Variants in PLCG1 observed in about 807,000 individuals in gnomAD.
The protein encoded by PLCG1 is 1-phosphatidylinositol 4,5-bisphosphate phosphodiesterase gamma-1.
Under a neutral mutation model 177.8 loss-of-function variants are expected in PLCG1, and 71 were observed. The ratio of observed to expected loss-of-function variants is 0.40; its 90% CI spans 0.33 to 0.49. The LOEUF is 0.49. Ranked by LOEUF, PLCG1 falls within the 20% of genes least tolerant of loss-of-function variation. The pLI, the probability that PLCG1 is intolerant of heterozygous loss-of-function variation, is 0.72. For missense variants in PLCG1, 1,281 were observed against 1,709.0 expected (o/e 0.75, Z 4.42); for synonymous variants, 658 against 647.9 (o/e 1.02, Z -0.24).
rs1366816239 is a variant in PLCG1, at chr20:41,165,969, C to A, written c.1799+143C>A. The A allele has an allele frequency of 1.9e-5, 13 of 699,622 alleles. No individual in the cohort carries two copies. Among genetic ancestry groups the A allele is most frequent in the South Asian group, 3.8e-5 (2 of 52,968 alleles). The allele number at this position is 699,622 out of a possible 1,614,324, so 43.3% of individuals were successfully genotyped here. A position where few individuals can be genotyped will look rare whatever the true frequency, so the allele number is the denominator to read the frequency against. On this transcript the variant is annotated intron_variant, in intron 16 of 31. Transcript: ENST00000685551. This position sits in a 1 kb window ranked among gnomAD's most constrained non-coding sequence, Gnocchi z 6.6. ...CATGGAACATAATTTCACCTACATA[C>A]ACACACACACTCTCTGTCTCACCCC...
chr20:41,162,543 G>A lies in PLCG1; in HGVS notation c.597+7G>A, dbSNP rs751824470. ...CCTCCGAGAGCGGCTGACGGTAAGT[G>A]CCACCCAGGGCTGTCTGTAGATGGG... On this transcript the variant is annotated splice_region_variant and intron_variant, in intron 5 of 31. Transcript: ENST00000685551. 6.2e-7 allele frequency: 1 copy of A among 1,613,466 alleles called. No individual in the cohort carries two copies. The highest frequency in any genetic ancestry group is 8.5e-7 in the Non-Finnish European group (1 of 1,179,562).
In PLCG1 at chr20:41,175,181, T is replaced by A. The variant is rs2036024286; in HGVS notation, c.*672T>A. 6.6e-6 allele frequency: 1 copy of A among 152,588 alleles called. No homozygotes were observed. Among genetic ancestry groups the A allele is most frequent in the Non-Finnish European group, 1.5e-5 (1 of 68,088 alleles). 9.5% of individuals were successfully genotyped at this position (152,588 alleles called of 1,614,324 possible). A position where few individuals can be genotyped will look rare whatever the true frequency, so the allele number is the denominator to read the frequency against. On this transcript the variant is annotated 3_prime_UTR_variant, in exon 32 of 32. Transcript: ENST00000685551. ...CGTCTCAATGGTATTGTAACTAAGT[T>A]ATTTACTCCTCCTGCTCCTCACCCC...
rs773166604 is a variant in PLCG1 at position 41,172,564 on chromosome 20, C to T, written c.3049C>T (p.Arg1017Ter). 2.5e-6 allele frequency: 4 copies of T among 1,614,202 alleles called. No individual in the cohort carries two copies. Among genetic ancestry groups the T allele is most frequent in the East Asian group, 2.2e-5 (1 of 44,886 alleles). The change falls in exon 26 of 32, where the codon CGA becomes TGA. Residue 1017 changes from arginine (R) to a stop codon, truncating the protein, a stop_gained. Transcript: ENST00000685551. LOFTEE classifies it high-confidence loss of function. This position sits in a 1 kb window ranked among gnomAD's most constrained non-coding sequence, Gnocchi z 7.0. ...QLSRIYPKGQ[R>*]LDSSNYDPLP... ...CTCCCGCATCTACCCCAAGGGCCAG[C>T]GACTGGATTCCTCCAACTACGATCC...
intron 1 of PLCG1, among the ~76,000 whole-genome samples, chr20:41,149,865 A>G (rs1317780451): frequency 6.6e-6 from 1 of 152,176 alleles, no homozygotes; most frequent in Admixed American, 6.5e-5. Flanking sequence ...AACCATGTTG[A>G]TTGCTCTGAG....
chr20:41,174,316 GGAA>G lies in PLCG1; in HGVS notation c.3833+8_3833+10del. 6.2e-7 allele frequency: 1 copy of G among 1,612,318 alleles called. No individual in the cohort carries two copies. Among genetic ancestry groups the G allele is most frequent in the Non-Finnish European group, 8.5e-7 (1 of 1,178,388 alleles). ...TTTTGACAGTCGAGAACGAAGGTGA[GGAA>G]GATGGAGGGGTGCTAGAGCCAGGAA... On this transcript the variant is annotated splice_donor_region_variant and intron_variant, in intron 31 of 31. Coordinates refer to ENST00000685551, the MANE Select transcript of PLCG1 (RefSeq NM_002660.3). This position sits in a 1 kb window ranked among gnomAD's most constrained non-coding sequence, Gnocchi z 5.8.
Position 41,166,643 on chromosome 20 carries a change from G to T in PLCG1, c.2121-36G>T, listed in dbSNP as rs1460930464. 6.2e-7 allele frequency: 1 copy of T among 1,614,090 alleles called. No individual in the cohort carries two copies. The highest frequency in any genetic ancestry group is 1.7e-5 in the Admixed American group (1 of 60,032). ...GTGGGGCCTTGCTTGGGTCTGAGCT[G>T]CCCTGACCCTGTGTGACTGTTTTGT... On this transcript the variant is annotated intron_variant, in intron 18 of 31. Transcript: ENST00000685551. This position sits in a 1 kb window ranked among gnomAD's most constrained non-coding sequence, Gnocchi z 8.6.
At position 41,172,019 on chromosome 20, in the gene PLCG1, G is replaced by A. The variant is rs1456610126; in HGVS notation, c.2809-174G>A. Among the ~76,000 whole-genome samples the A allele has an allele frequency of 6.6e-6, 1 of 152,232 alleles. No homozygotes were observed. The highest frequency in any genetic ancestry group is 2.4e-5 in the African/African-American group (1 of 41,456). On this transcript the variant is annotated intron_variant, in intron 24 of 31. Transcript: ENST00000685551. The surrounding 1 kb of genome is among the most constrained non-coding windows in gnomAD (Gnocchi z 7.0). ...AGAGGAAAGATGATTTCAGGATGAGGCTGAGGACAGAGCTCCCTCATTTAC... is the reference window on the plus strand; with the variant it reads ...AGAGGAAAGATGATTTCAGGATGAGACTGAGGACAGAGCTCCCTCATTTAC...
intron 1 of PLCG1, among the ~76,000 whole-genome samples, chr20:41,145,336 C>T (rs1326393113): frequency 6.6e-6 from 1 of 152,168 alleles, no homozygotes; most frequent in Non-Finnish European, 1.5e-5. Context: ...ATTTCTATGA[C>T]TTAGGATGCA....
In PLCG1 at chr20:41,173,362, G is replaced by T; in HGVS notation, c.3280-58G>T. ...CACAGATGCTGACTGAGCCTCCGCA[G>T]TGGGGAATTGGAGGGAGCAGGAAGG... On this transcript the variant is annotated intron_variant, in intron 27 of 31. Coordinates refer to ENST00000685551, the MANE Select transcript of PLCG1 (RefSeq NM_002660.3). The surrounding 1 kb of genome is among the most constrained non-coding windows in gnomAD (Gnocchi z 6.2). The T allele has an allele frequency of 6.8e-7, 1 of 1,478,174 alleles. No homozygotes were observed. Among genetic ancestry groups the T allele is most frequent in the Non-Finnish European group, 9.0e-7 (1 of 1,108,116 alleles). The allele number at this position is 1,478,174 out of a possible 1,614,324, so 91.6% of individuals were successfully genotyped here. A position where few individuals can be genotyped will look rare whatever the true frequency, so the allele number is the denominator to read the frequency against.
Position 41,151,665 on chromosome 20 carries a change from G to A in PLCG1, c.218-7941G>A, listed in dbSNP as rs573425276. On this transcript the variant is annotated intron_variant, in intron 1 of 31. Coordinates refer to ENST00000685551, the MANE Select transcript of PLCG1 (RefSeq NM_002660.3). The surrounding 1 kb of genome is among the most constrained non-coding windows in gnomAD (Gnocchi z 5.5). ...AATATTATAGTCTCAGGAAGAGGGA[G>A]GAATGAGAGGGAGAGGAGAACTCTC... is the stretch of plus-strand genomic sequence containing the variant. Among the ~76,000 whole-genome samples, 4 of 152,276 alleles carry A rather than the reference G, an allele frequency of 2.6e-5. No individual in the cohort carries two copies. Among genetic ancestry groups the A allele is most frequent in the African/African-American group, 4.8e-5 (2 of 41,538 alleles).
rs1008664723 is a variant in PLCG1, at chr20:41,148,724, A to G, written c.217+10866A>G. On this transcript the variant is annotated intron_variant, in intron 1 of 31. Transcript: ENST00000685551. The surrounding 1 kb of genome is among the most constrained non-coding windows in gnomAD (Gnocchi z 4.3). The stretch of plus-strand genomic sequence containing the variant: ...AATCAGACAGCCTTAAAATACATGT[A>G]TGGCTACTATAATAAATACTGTGAA... 3.3e-5 allele frequency among the ~76,000 whole-genome samples: 5 copies of G among 152,180 alleles called. No homozygotes were observed. Among genetic ancestry groups the G allele is most frequent in the African/African-American group, 7.2e-5 (3 of 41,426 alleles).
In PLCG1 at chr20:41,172,319, A is replaced by G. The variant is rs1330621267; in HGVS notation, c.2905+30A>G. 9 of 1,587,448 alleles carry G rather than the reference A, an allele frequency of 5.7e-6. No homozygotes were observed. Among genetic ancestry groups the G allele is most frequent in the South Asian group, 1.1e-5 (1 of 90,570 alleles). ...GGGCCAGGGCCCAGGCGGGGTGTGC[A>G]TGTGCCTGGAGGGCCTGGTGGGTGC... is the stretch of plus-strand genomic sequence containing the variant. On this transcript the variant is annotated intron_variant, in intron 25 of 31. Transcript: ENST00000685551. The surrounding 1 kb of genome is among the most constrained non-coding windows in gnomAD (Gnocchi z 7.0).
In PLCG1 at chr20:41,148,974, G is replaced by T. The variant is rs1462573992; in HGVS notation, c.218-10632G>T. Among the ~76,000 whole-genome samples the T allele has an allele frequency of 6.6e-6, 1 of 152,212 alleles. No individual in the cohort carries two copies. Among genetic ancestry groups the T allele is most frequent in the Non-Finnish European group, 1.5e-5 (1 of 68,036 alleles). On this transcript the variant is annotated intron_variant, in intron 1 of 31. Transcript: ENST00000685551. The surrounding 1 kb of genome is among the most constrained non-coding windows in gnomAD (Gnocchi z 4.3). ...TCAATTTCCTCACTCGGGAATTGGGGACCCTAATACTTACTTCATAGTGTT... is the reference window on the plus strand; with the variant it reads ...TCAATTTCCTCACTCGGGAATTGGGTACCCTAATACTTACTTCATAGTGTT...
At chr20:41,162,922 A>T (rs201487493) in intron 6 of PLCG1, 36 bp from the exon 7 acceptor site, 1 of 1,605,852 alleles carries the variant, frequency 6.2e-7, no homozygotes, top group Admixed American at 1.7e-5. Context: ...ATGGCCTCCC[A>T]GGGGTCTTGC....
At chr20:41,161,102 G>A (rs1354584792) in intron 4 of PLCG1, among the ~76,000 whole-genome samples, 1 of 152,102 alleles carries the variant, frequency 6.6e-6, no homozygotes, top group Non-Finnish European at 1.5e-5. Context: ...CACCTAGGGG[G>A]CAAGCAGACC....
In PLCG1 at chr20:41,153,866, A is replaced by C. The variant is rs558659630; in HGVS notation, c.218-5740A>C. 1.3e-4 allele frequency among the ~76,000 whole-genome samples: 20 copies of C among 152,352 alleles called. No individual in the cohort carries two copies. In the South Asian group the frequency reaches 3.9e-3, roughly 30 times the overall value. ...AACCGAGATTGCACCACTGCACTCC[A>C]GCCTGGGCAACAGAGCGAGACACCC... On this transcript the variant is annotated intron_variant, in intron 1 of 31. Coordinates refer to ENST00000685551, the MANE Select transcript of PLCG1 (RefSeq NM_002660.3). The surrounding 1 kb of genome is among the most constrained non-coding windows in gnomAD (Gnocchi z 5.1).
At chr20:41,162,606 A>C in intron 5 of PLCG1, 36 bp from the exon 6 acceptor site, 1 of 1,608,916 alleles carries the variant, frequency 6.2e-7, no homozygotes, top group Non-Finnish European at 8.5e-7. Flanking sequence ...TGGGGGCCTG[A>C]CTGCCTGACT....
rs1420186506 is a variant in PLCG1, at chr20:41,157,076, A to G, written c.218-2530A>G. Among the ~76,000 whole-genome samples the G allele has an allele frequency of 6.6e-6, 1 of 152,256 alleles. No individual in the cohort carries two copies. The highest frequency in any genetic ancestry group is 1.5e-5 in the Non-Finnish European group (1 of 68,042). Reference sequence around the variant, plus strand: ...GTACAAGGGATCAGGTGTGGCCAACAGGAACTTGGGAGCATTGGATGCCTG... The same window carrying G: ...GTACAAGGGATCAGGTGTGGCCAACGGGAACTTGGGAGCATTGGATGCCTG... On this transcript the variant is annotated intron_variant, in intron 1 of 31. Coordinates refer to ENST00000685551, the MANE Select transcript of PLCG1 (RefSeq NM_002660.3). This position sits in a 1 kb window ranked among gnomAD's most constrained non-coding sequence, Gnocchi z 5.4.
In PLCG1 at chr20:41,160,089, C is replaced by T. The variant is rs1204391583; in HGVS notation, c.465-17C>T. 3 of 1,613,964 alleles carry T rather than the reference C, an allele frequency of 1.9e-6. No homozygotes were observed. Among genetic ancestry groups the T allele is most frequent in the Admixed American group, 3.3e-5 (2 of 60,022 alleles). On this transcript the variant is annotated splice_polypyrimidine_tract_variant and intron_variant, in intron 3 of 31. Coordinates refer to ENST00000685551, the MANE Select transcript of PLCG1 (RefSeq NM_002660.3). This position sits in a 1 kb window ranked among gnomAD's most constrained non-coding sequence, Gnocchi z 5.5. ...GTAGATGGAGAAGTGGCCCTCACCT[C>T]AGGCTTCTCTCTCCAGGTGGCTCCG...
Sources: allele counts gnomAD v4.1 joint callset (sites outside exome capture counted in the v4.1 genomes callset), GRCh38; gene constraint gnomAD v4.1.1; non-coding constraint Gnocchi (gnomAD v3.1); transcripts MANE v1.5; gene names NCBI Gene and HGNC (gene_info 2026-07-23, HGNC 2026-07-21).